The following FNDC3A variants were observed in gnomAD, a reference collection of about 807,000 sequenced individuals.
FNDC3A encodes the protein fibronectin type III domain containing 3A.
A neutral mutation model predicts 148.9 loss-of-function variants in FNDC3A; 32 were observed. That is an observed-to-expected ratio of 0.21 (90% confidence interval 0.16 to 0.29). FNDC3A has a LOEUF of 0.29. Among genes scored for constraint, FNDC3A ranks in the 10% least tolerant of loss-of-function variants. FNDC3A has a pLI of 1.00. For synonymous variants in FNDC3A, 472 were observed against 473.6 expected (o/e 1.00, Z 0.04); for missense variants, 1,191 against 1,452.8 (o/e 0.82, Z 2.93).
intron 13 of FNDC3A, 33 bp downstream of exon 13, chr13:49,175,574 T>G (rs761606162): frequency 3.9e-5 from 57 of 1,449,132 alleles, no homozygotes; most frequent in Non-Finnish European, 9.4e-7. Context: ...AATAGTGTAT[T>G]TAAAACATTT....
chr13:49,121,559 G>A (rs1292817984), intron 4 of FNDC3A, among the ~76,000 whole-genome samples: 1 of 152,152 alleles, frequency 6.6e-6, no homozygotes, highest in Non-Finnish European at 1.5e-5. Flanking sequence ...CAGTTCAGGA[G>A]CTGGTTTTTT....
chr13:49,052,732 C>G (rs1875931626), intron 2 of FNDC3A, among the ~76,000 whole-genome samples: 1 of 152,062 alleles, frequency 6.6e-6, no homozygotes, highest in African/African-American at 2.4e-5. Flanking sequence ...CTAGGGACAC[C>G]TGGTTAAGTT....
intron 3 of FNDC3A, among the ~76,000 whole-genome samples, chr13:49,113,787 G>C (rs781031289): frequency 4.0e-4 from 61 of 152,248 alleles, no homozygotes; most frequent in Admixed American, 1.1e-3. Context: ...AGGAACTGAA[G>C]GGGGGTAAGA....
intron 3 of FNDC3A, among the ~76,000 whole-genome samples, chr13:49,096,835 G>A (rs902462904): frequency 6.6e-6 from 1 of 152,114 alleles, no homozygotes; most frequent in Non-Finnish European, 1.5e-5. Context: ...GAATACCTGA[G>A]CAAGCATAGG....
intron 8 of FNDC3A, chr13:49,146,252 A>G (rs1350838459): frequency 4.7e-6 from 1 of 213,964 alleles, no homozygotes; most frequent in Non-Finnish European, 9.2e-6. Flanking sequence ...CCCATGACCA[A>G]AAATGGACAA....
chr13:49,114,809 TA>T (rs912917226), intron 4 of FNDC3A, 78 bp downstream of exon 4: 9 of 1,023,400 alleles, frequency 8.8e-6, no homozygotes, highest in East Asian at 7.1e-5. Context: ...GATTTTGATT[TA>T]AAAAAACCAT....
chr13:49,113,429 C>T (rs1404051787), intron 3 of FNDC3A, among the ~76,000 whole-genome samples: 2 of 152,060 alleles, frequency 1.3e-5, no homozygotes, highest in Non-Finnish European at 2.9e-5. Flanking sequence ...GTTCTGTCCT[C>T]ACCCCTTGCC....
chr13:49,149,280 G>A (rs1219818124), intron 8 of FNDC3A, among the ~76,000 whole-genome samples: 1 of 151,718 alleles, frequency 6.6e-6, no homozygotes, highest in Non-Finnish European at 1.5e-5. Context: ...TCTTGTTCGA[G>A]TTCTTAGAGG....
At chr13:49,018,889 G>T (rs976776987) in intron 2 of FNDC3A, among the ~76,000 whole-genome samples, 5 of 152,342 alleles carry the variant, frequency 3.3e-5, no homozygotes, top group African/African-American at 1.2e-4. Context: ...CCCCTGCTGG[G>T]GGTGCCTCCC....
chr13:49,035,048 G>A (rs991910828), intron 2 of FNDC3A, among the ~76,000 whole-genome samples: 2 of 152,052 alleles, frequency 1.3e-5, no homozygotes, highest in Non-Finnish European at 2.9e-5. Context: ...AATTGATGCT[G>A]ATATTCTAAT....
At chr13:49,059,882 A>G (rs1410895653) in intron 2 of FNDC3A, among the ~76,000 whole-genome samples, 2 of 152,218 alleles carry the variant, frequency 1.3e-5, no homozygotes, top group Non-Finnish European at 2.9e-5. Context: ...CTTTTCTCCA[A>G]AGAAGATGGA....
chr13:49,095,526 A>G (rs1341886857), intron 3 of FNDC3A: 1 of 152,114 alleles, frequency 6.6e-6, no homozygotes, highest in African/African-American at 2.4e-5. Flanking sequence ...AACTCAAGGT[A>G]GAGAATCTTT....
At position 49,201,968 on chromosome 13, in the gene FNDC3A, T is replaced by C. The variant is rs774523444; in HGVS notation, c.3154+2T>C. ...AATCTGTCCCAGCTGCCTTGAAAGG[T>C]AAGTTATACATCCTGAACTTATTTT... On this transcript the variant is annotated splice_donor_variant, in intron 24 of 25. Transcript: ENST00000492622. LOFTEE classifies it high-confidence loss of function. 6.5e-7 allele frequency: 1 copy of C among 1,534,468 alleles called. No individual in the cohort carries two copies. The highest frequency in any genetic ancestry group is 1.3e-5 in the South Asian group (1 of 78,478).
intron 2 of FNDC3A, among the ~76,000 whole-genome samples, chr13:49,009,415 C>T (rs1952290836): frequency 1.3e-5 from 2 of 152,178 alleles, no homozygotes; most frequent in Admixed American, 1.3e-4. Flanking sequence ...AATAAAGCTG[C>T]TTTAAACATT....
intron 17 of FNDC3A, among the ~76,000 whole-genome samples, chr13:49,190,131 C>G (rs1278921923): frequency 2.0e-5 from 3 of 152,132 alleles, no homozygotes; most frequent in African/African-American, 7.2e-5. Context: ...TGTGATCCAC[C>G]CGCCTCAGCC....
intron 2 of FNDC3A, among the ~76,000 whole-genome samples, chr13:49,009,793 T>C (rs774894245): frequency 2.0e-5 from 3 of 152,240 alleles, no homozygotes; most frequent in Non-Finnish European, 4.4e-5. Context: ...TGTCTTCTCT[T>C]AATTTCTACT....
chr13:48,997,474 A>G (rs543077261), intron 1 of FNDC3A, among the ~76,000 whole-genome samples: 57 of 152,308 alleles, frequency 3.7e-4, no homozygotes, highest in Admixed American at 1.5e-3. Flanking sequence ...AGCCCTAACC[A>G]CCAATGTGAC....
intron 4 of FNDC3A, among the ~76,000 whole-genome samples, chr13:49,123,823 G>A (rs961980762): frequency 3.9e-5 from 6 of 152,098 alleles, no homozygotes; most frequent in African/African-American, 4.8e-5. Flanking sequence ...TTAGAATGGC[G>A]GTCATTAAAA....
intron 4 of FNDC3A, among the ~76,000 whole-genome samples, chr13:49,126,037 T>G (rs1395129712): frequency 6.6e-6 from 1 of 152,192 alleles, no homozygotes; most frequent in Admixed American, 6.5e-5. Context: ...AACGTACTTA[T>G]TTTATTTTAC....
Sources: allele counts gnomAD v4.1 joint callset (sites outside exome capture counted in the v4.1 genomes callset), GRCh38; gene constraint gnomAD v4.1.1; transcripts MANE v1.5; gene names NCBI Gene and HGNC (gene_info 2026-07-23, HGNC 2026-07-21).